Variants in HIVEP3 observed in about 807,000 individuals in gnomAD.
HIVEP3 encodes HIVEP zinc finger 3.
Under a neutral mutation model 152.8 loss-of-function variants are expected in HIVEP3, and 49 were observed. That is an observed-to-expected ratio of 0.32 (90% CI 0.26 to 0.41). HIVEP3 has a LOEUF of 0.41. Among genes scored for constraint, HIVEP3 ranks in the 10% least tolerant of loss-of-function variants. HIVEP3 has a pLI of 1.00. For synonymous variants in HIVEP3, 1,269 were observed against 1,289.0 expected, an observed-to-expected ratio of 0.98 and a Z score of 0.33; for missense variants, 2,790 against 3,103.3, an observed-to-expected ratio of 0.90 and a Z score of 2.40.
chr1:41,903,483 T>C (rs567279095), intron 1 of HIVEP3, among the ~76,000 whole-genome samples: 2 of 152,354 alleles, frequency 1.3e-5, no homozygotes, highest in Admixed American at 1.3e-4. Context: ...ACTGAGGCCT[T>C]GTTATTCTGC....
rs1318089606 is a variant in HIVEP3 at position 41,580,215 on chromosome 1, G to A, written c.4583C>T (p.Ser1528Leu). Residue 1528 changes from serine (S) to leucine (L), a missense_variant, in exon 4 of 9, where the codon TCA becomes TTA. Around this residue, in one of 9 missense-constraint regions of HIVEP3, gnomAD observed 1,078 missense variants for 1,165.3 expected, o/e 0.93. Transcript: ENST00000372583. ...PALSHGTAPG[S>L]EALKEYPQPS... ...CTGGGGATATTCCTTCAAAGCTTCT[G>A]AGCCTGGGGCTGTCCCATGGGACAA... The A allele has an allele frequency of 3.1e-6, 5 of 1,612,304 alleles. No individual in the cohort carries two copies. The African/African-American group carries it at 4.0e-5, about 13-fold the overall frequency.
intron 2 of HIVEP3, among the ~76,000 whole-genome samples, chr1:41,655,715 C>A (rs1238289031): frequency 6.6e-6 from 1 of 151,994 alleles, no homozygotes; most frequent in Non-Finnish European, 1.5e-5. Context: ...CTGACACATT[C>A]CCTATTGCCG....
chr1:41,745,702 A>G (rs562833795), intron 1 of HIVEP3, among the ~76,000 whole-genome samples: 37 of 152,318 alleles, frequency 2.4e-4, no homozygotes, highest in African/African-American at 8.7e-4. Context: ...TGAGGACCCC[A>G]GTGAAGGGCA....
chr1:41,943,115 C>A (rs1480736893), intron 1 of HIVEP3, among the ~76,000 whole-genome samples: 1 of 151,918 alleles, frequency 6.6e-6, no homozygotes, highest in East Asian at 1.9e-4. Flanking sequence ...ACCATGTTAG[C>A]CAGGATGGTC....
intron 1 of HIVEP3, among the ~76,000 whole-genome samples, chr1:41,885,691 CTCCTTCCCTTCCTCCT>C (rs1644334176): frequency 7.6e-6 from 1 of 132,348 alleles, no homozygotes; most frequent in African/African-American, 4.2e-5. Context: ...TCCTTCCTTC[CTCCTTCCCTTCCTCCT>C]TCCCTTCCTC....
At chr1:41,653,953 CAAAAAAAAAAAA>C (rs55707109) in intron 2 of HIVEP3, among the ~76,000 whole-genome samples, 17 of 46,222 alleles carry the variant, frequency 3.7e-4, no homozygotes, top group South Asian at 1.2e-3. Context: ...TTTTCTACTG[CAAAAAAAAAAAA>C]AAAAAAAAAA....
At chr1:41,723,294 G>T (rs1300321294) in intron 1 of HIVEP3, among the ~76,000 whole-genome samples, 1 of 152,004 alleles carries the variant, frequency 6.6e-6, no homozygotes, top group Admixed American at 6.6e-5. Flanking sequence ...CCCTGAGTTT[G>T]GGTCATCTCA....
chr1:41,935,958 C>T (rs1029725013), intron 1 of HIVEP3, among the ~76,000 whole-genome samples: 4 of 151,794 alleles, frequency 2.6e-5, no homozygotes, highest in African/African-American at 7.3e-5. Flanking sequence ...TTAGGGGAGT[C>T]GAGCTATACT....
intron 1 of HIVEP3, among the ~76,000 whole-genome samples, chr1:41,841,107 A>C (rs1643276602): frequency 6.6e-6 from 1 of 152,144 alleles, no homozygotes; most frequent in Non-Finnish European, 1.5e-5. Flanking sequence ...CCGTGCAGAC[A>C]ACAACAAAGC....
chr1:41,573,241 G>C (rs1387618362), intron 5 of HIVEP3, among the ~76,000 whole-genome samples: 1 of 152,242 alleles, frequency 6.6e-6, no homozygotes, highest in East Asian at 1.9e-4. Context: ...GGCACTCTTG[G>C]CAATTTGGGG....
At chr1:42,007,516 C>T (rs1364995219) in intron 1 of HIVEP3, among the ~76,000 whole-genome samples, 1 of 152,182 alleles carries the variant, frequency 6.6e-6, no homozygotes, top group African/African-American at 2.4e-5. Context: ...TCAAGGGTAA[C>T]TGGCTTTTTG....
intron 1 of HIVEP3, among the ~76,000 whole-genome samples, chr1:41,928,060 CAAA>C (rs10660316): frequency 3.5e-5 from 3 of 86,322 alleles, no homozygotes; most frequent in Admixed American, 1.4e-4. Context: ...GACTCCATCT[CAAA>C]AAAAAAAAAA....
chr1:41,986,781 C>A (rs898235312), intron 1 of HIVEP3, among the ~76,000 whole-genome samples: 4 of 152,100 alleles, frequency 2.6e-5, no homozygotes, highest in African/African-American at 9.7e-5. Flanking sequence ...TTAATTGCTG[C>A]CCATTTCATA....
intron 7 of HIVEP3, among the ~76,000 whole-genome samples, chr1:41,517,557 C>T (rs1642644268): frequency 6.8e-6 from 1 of 147,136 alleles, no homozygotes; most frequent in Admixed American, 6.6e-5. Flanking sequence ...TGCGTGCATA[C>T]ACACTCCTCT....
chr1:42,015,017 G>A (rs1645513798), intron 1 of HIVEP3, among the ~76,000 whole-genome samples: 1 of 152,154 alleles, frequency 6.6e-6, no homozygotes, highest in Non-Finnish European at 1.5e-5. Flanking sequence ...CCAGAGGTCC[G>A]TGCTGCTGGT....
chr1:41,897,027 C>T (rs1043843202), intron 1 of HIVEP3, among the ~76,000 whole-genome samples: 7 of 152,106 alleles, frequency 4.6e-5, no homozygotes, highest in Non-Finnish European at 8.8e-5. Context: ...CGCTTGCTAA[C>T]GAACTATAGG....
chr1:41,531,407 A>G (rs1462996577), intron 5 of HIVEP3, among the ~76,000 whole-genome samples: 2 of 147,628 alleles, frequency 1.4e-5, no homozygotes, highest in Non-Finnish European at 3.0e-5. Flanking sequence ...GAGATGGAGG[A>G]CAGGAGAGAT....
chr1:41,514,396 C>T (rs1470606265), intron 7 of HIVEP3, among the ~76,000 whole-genome samples: 1 of 152,256 alleles, frequency 6.6e-6, no homozygotes, highest in African/African-American at 2.4e-5. Flanking sequence ...GGCAGTCACA[C>T]TGGCTGGTCC....
intron 2 of HIVEP3, among the ~76,000 whole-genome samples, chr1:41,680,433 G>C (rs1445753775): frequency 6.6e-6 from 1 of 152,198 alleles, no homozygotes; most frequent in Non-Finnish European, 1.5e-5. Flanking sequence ...TCACTTACAG[G>C]TTCTTAGCCT....
Sources: allele counts gnomAD v4.1 joint callset (sites outside exome capture counted in the v4.1 genomes callset), GRCh38; gene constraint gnomAD v4.1.1; regional missense constraint gnomAD v4.1.1; transcripts MANE v1.5; gene names NCBI Gene and HGNC (gene_info 2026-07-23, HGNC 2026-07-21).